CRHR1: variants seen among roughly 807,000 people sequenced by gnomAD.
CRHR1 encodes the protein corticotropin-releasing hormone receptor 1.
In CRHR1, 28 loss-of-function variants were observed where a neutral mutation model predicts 56.0. The observed-to-expected ratio is 0.50, with a 90% CI of 0.37 to 0.69. The LOEUF is 0.69. CRHR1 is among the 30% of genes least tolerant of loss of function. The pLI is 0.00. For synonymous variants in CRHR1, 195 were observed against 216.5 expected (o/e 0.90, Z 0.87); for missense variants, 376 against 548.0 (o/e 0.69, Z 3.13).
chr17:45,831,073 G>C (rs1281275802), intron 8 of CRHR1, 133 bp downstream of exon 8: 2 of 860,076 alleles, frequency 2.3e-6, no homozygotes, highest in Non-Finnish European at 3.7e-6. Flanking sequence ...TAAAGGGAGA[G>C]ATCTGGGGGC....
rs1442235841 is a variant in CRHR1 at position 45,827,310 on chromosome 17, A to G, written c.328-1905A>G. Among the ~76,000 whole-genome samples, 3 of 152,188 alleles carry G rather than the reference A, an allele frequency of 2.0e-5. No homozygotes were observed. The East Asian group carries it at 5.8e-4, about 29-fold the overall frequency. ...GCAGCACTGAAGGGTCTCCCTGCAC[A>G]CTGCGCTCCTCCCGCCCAGCCTGGG... On this transcript the variant is annotated intron_variant, in intron 4 of 12. Coordinates refer to ENST00000314537, the MANE Select transcript of CRHR1 (RefSeq NM_004382.5).
chr17:45,799,174 G>A (rs1429204426), intron 1 of CRHR1, among the ~76,000 whole-genome samples: 1 of 152,192 alleles, frequency 6.6e-6, no homozygotes, highest in African/African-American at 2.4e-5. Flanking sequence ...CCCCATGAGG[G>A]TGCCCCTCTG....
chr17:45,792,933 C>A (rs1363284146), intron 1 of CRHR1, among the ~76,000 whole-genome samples: 1 of 152,118 alleles, frequency 6.6e-6, no homozygotes, highest in Admixed American at 6.5e-5. Flanking sequence ...CAAAACAAAA[C>A]AAAAAAATAA....
chr17:45,833,938 AG>A lies in CRHR1; in HGVS notation c.1066-65del. 1.9e-6 allele frequency: 3 copies of A among 1,613,098 alleles called. No homozygotes were observed. In the East Asian group the frequency reaches 6.7e-5, roughly 36 times the overall value. ...GAGGGCAGGAGGCCAGGGAGAAGCA[AG>A]GGGCAGCCCAGAGGCTGGGTGGGCA... On this transcript the variant is annotated intron_variant, in intron 11 of 12. Transcript: ENST00000314537.
Position 45,816,478 on chromosome 17 carries a change from C to T in CRHR1, c.137C>T (p.Ala46Val). 2 of 1,614,132 alleles carry T rather than the reference C, an allele frequency of 1.2e-6. No individual in the cohort carries two copies. Among genetic ancestry groups the T allele is most frequent in the Non-Finnish European group, 1.7e-6 (2 of 1,180,020 alleles). Residue 46 changes from alanine to valine, a missense_variant, in exon 3 of 13, where the codon GCA (alanine) becomes GTA (valine). Coordinates refer to ENST00000314537, the MANE Select transcript of CRHR1 (RefSeq NM_004382.5). ...ASNISGLQCNASVDLIGTCWP... is the reference protein window; with the variant it reads ...ASNISGLQCNVSVDLIGTCWP... The stretch of plus-strand genomic sequence containing the variant: ...CTGCCCCCAGGACTGCAGTGCAACG[C>T]ATCCGTGGACCTCATTGGCACCTGC...
chr17:45,830,311 G>A, intron 6 of CRHR1, 97 bp downstream of exon 6: 2 of 1,593,912 alleles, frequency 1.3e-6, no homozygotes, highest in Non-Finnish European at 1.7e-6. Flanking sequence ...CAGAACAGGA[G>A]TGGGATCCCA....
rs146079206 is a variant in CRHR1 at position 45,797,438 on chromosome 17, C to T, written c.34-9572C>T. ...CCCGAGGAGCTGGGACTACAGGCGC[C>T]CGCCACCACGCCCAGCTAGTTTTTT... On this transcript the variant is annotated intron_variant, in intron 1 of 12. Coordinates refer to ENST00000314537, the MANE Select transcript of CRHR1 (RefSeq NM_004382.5). Among the ~76,000 whole-genome samples, 1,259 of 151,974 alleles carry T rather than the reference C, an allele frequency of 8.3e-3. 22 individuals are homozygous for T. Among genetic ancestry groups the T allele is most frequent in the African/African-American group, 0.029 (1,212 of 41,468 alleles).
At chr17:45,796,753 GAAGA>G (rs372447699) in intron 1 of CRHR1, among the ~76,000 whole-genome samples, 4 of 152,114 alleles carry the variant, frequency 2.6e-5, no homozygotes, top group African/African-American at 9.7e-5. Flanking sequence ...AGTAAAGGCT[GAAGA>G]AAGAAAGAAG....
At chr17:45,797,051 T>C (rs1481969971) in intron 1 of CRHR1, among the ~76,000 whole-genome samples, 1 of 152,218 alleles carries the variant, frequency 6.6e-6, no homozygotes, top group African/African-American at 2.4e-5. Flanking sequence ...ATCCATATCA[T>C]TGACCTGGAT....
chr17:45,804,130 G>T (rs2061677598), intron 1 of CRHR1, among the ~76,000 whole-genome samples: 1 of 152,164 alleles, frequency 6.6e-6, no homozygotes, highest in Non-Finnish European at 1.5e-5. Context: ...TTAATAAAGT[G>T]TTGGAAGTTC....
At chr17:45,798,451 A>T (rs1284479252) in intron 1 of CRHR1, among the ~76,000 whole-genome samples, 3 of 150,424 alleles carry the variant, frequency 2.0e-5, no homozygotes. Flanking sequence ...TCTTTAACCC[A>T]GGAGGTAGAG....
intron 3 of CRHR1, among the ~76,000 whole-genome samples, chr17:45,818,122 TCCTCGTGTCTGGG>T (rs1443521307): frequency 7.2e-5 from 11 of 152,158 alleles, no homozygotes; most frequent in Non-Finnish European, 1.6e-4. Flanking sequence ...TCCAGAGTGA[TCCTCGTGTCTGGG>T]CCTACCTGCC....
intron 1 of CRHR1, among the ~76,000 whole-genome samples, chr17:45,787,621 A>T (rs547807144): frequency 1.3e-5 from 2 of 152,162 alleles, no homozygotes; most frequent in Non-Finnish European, 2.9e-5. Context: ...AGCTGTGGCC[A>T]TTGGGCAGCC....
At chr17:45,793,483 C>G (rs1398816449) in intron 1 of CRHR1, among the ~76,000 whole-genome samples, 2 of 152,310 alleles carry the variant, frequency 1.3e-5, no homozygotes, top group East Asian at 3.9e-4. Flanking sequence ...TGTCCTGGTT[C>G]TGCTGGTCAT....
chr17:45,808,624 AGGTTT>A (rs531218086), intron 2 of CRHR1, among the ~76,000 whole-genome samples: 91 of 152,132 alleles, frequency 6.0e-4, no homozygotes, highest in African/African-American at 1.6e-3. Flanking sequence ...TGCCAGTACT[AGGTTT>A]GGTTTGGTTT....
intron 8 of CRHR1, among the ~76,000 whole-genome samples, chr17:45,832,069 C>CAAAAAAAACAAAA (rs1555657429): frequency 6.6e-6 from 1 of 150,646 alleles, no homozygotes; most frequent in Non-Finnish European, 1.5e-5. Flanking sequence ...AAAAAAAAAA[C>CAAAAAAAACAAAA]AAAAAAACAA....
intron 2 of CRHR1, among the ~76,000 whole-genome samples, chr17:45,811,724 C>G (rs1016740607): frequency 1.3e-5 from 2 of 152,218 alleles, no homozygotes; most frequent in Admixed American, 1.3e-4. Context: ...CGCAGGTTTT[C>G]TCCCTCACTT....
intron 4 of CRHR1, 49 bp downstream of exon 4, chr17:45,821,489 C>G: frequency 1.3e-6 from 2 of 1,552,606 alleles, no homozygotes; most frequent in Middle Eastern, 3.3e-4. Flanking sequence ...AGTCCAGGGT[C>G]CCCAGCAGAG....
At chr17:45,786,634 T>TC (rs1555647269) in intron 1 of CRHR1, among the ~76,000 whole-genome samples, 1 of 127,696 alleles carries the variant, frequency 7.8e-6, no homozygotes, top group Non-Finnish European at 1.6e-5. Flanking sequence ...CCAGAAAATA[T>TC]CCTTTTTTTT....
Sources: gnomAD v4.1 joint callset for allele counts (sites outside exome capture counted in the v4.1 genomes callset) on GRCh38, gnomAD v4.1.1 for gene constraint, MANE v1.5 for transcripts, NCBI Gene and HGNC (gene_info 2026-07-23, HGNC 2026-07-21) for gene names.